Variants in PYGM observed in about 807,000 individuals in gnomAD.
PYGM encodes the protein glycogen phosphorylase, muscle associated.
A neutral mutation model predicts 99.3 loss-of-function variants in PYGM; 81 were observed. The observed-to-expected ratio is 0.82, with a 90% CI of 0.68 to 0.98. The LOEUF (loss-of-function observed/expected upper bound fraction) is 0.98, where lower values mean the gene tolerates loss of function less well. Ranked by LOEUF, PYGM falls within the 50% of genes least tolerant of loss-of-function variation. The pLI, the probability that PYGM is intolerant of heterozygous loss-of-function variation, is 0.00. For synonymous variants in PYGM, 436 were observed against 451.5 expected (o/e 0.97, Z 0.44); for missense variants, 1,030 against 1,158.1 (o/e 0.89, Z 1.61).
upstream of PYGM, chr11:64,760,180 C>T: frequency 2.1e-6 from 1 of 471,184 alleles, no homozygotes. Context: ...CCCACTTCCT[C>T]CAGGCCTTGC....
chr11:64,747,124 C>T (rs2058317418), intron 18 of PYGM, 100 bp downstream of exon 18: 5 of 1,577,098 alleles, frequency 3.2e-6, no homozygotes, highest in Non-Finnish European at 3.5e-6. Flanking sequence ...AGGCGCCTGG[C>T]TCCAACTACC....
At position 64,758,588 on chromosome 11, in the gene PYGM, C is replaced by T. The variant is rs761907585; in HGVS notation, c.345+15G>A. 2 of 1,613,122 alleles carry T rather than the reference C, an allele frequency of 1.2e-6. No individual in the cohort carries two copies. The highest frequency in any genetic ancestry group is 2.7e-5 in the African/African-American group (2 of 74,886). On this transcript the variant is annotated intron_variant, in intron 2 of 19. Coordinates refer to ENST00000164139, the MANE Select transcript of PYGM (RefSeq NM_005609.4). ...AATCCCCCAGTCCCCACGGCTTGCC[C>T]CACCCCACACACACCTGGTAGGTGG...
chr11:64,751,257 C>A (rs559097797), intron 16 of PYGM, 68 bp downstream of exon 16: 12 of 1,591,706 alleles, frequency 7.5e-6, no homozygotes, highest in Admixed American at 5.0e-5. Context: ...CAGGAAGAGA[C>A]GACTGATACC....
At chr11:64,759,456 C>CACCTGCTCTG (rs2058418382) in intron 1 of PYGM, among the ~76,000 whole-genome samples, 200 bp downstream of exon 1, 1 of 152,210 alleles carries the variant, frequency 6.6e-6, no homozygotes. Flanking sequence ...GCAGCCAGCC[C>CACCTGCTCTG]ACCTGCTCTG....
intron 14 of PYGM, 114 bp from the exon 15 acceptor site, chr11:64,751,769 T>C: frequency 6.6e-7 from 1 of 1,513,770 alleles, no homozygotes; most frequent in Non-Finnish European, 9.1e-7. Flanking sequence ...CTTGCTATGC[T>C]CTCTTAGCCT....
Position 64,751,612 on chromosome 11 carries a change from C to T in PYGM, c.1812G>A (p.Val604=). ...EPNKFFVPRT[V]MIGGKAAPGY... ...GGCTTCTCACCTTCCCTCCAATCAT[C>T]ACAGTCCGAGGCACAAAAAACTTAT... The change falls in exon 15 of 20, where the codon GTG becomes GTA. Residue 604 remains valine (V), a synonymous_variant. Coordinates refer to ENST00000164139, the MANE Select transcript of PYGM (RefSeq NM_005609.4). 1 of 1,614,032 alleles carries T rather than the reference C, an allele frequency of 6.2e-7. No homozygotes were observed. The highest frequency in any genetic ancestry group is 1.1e-5 in the South Asian group (1 of 91,084).
chr11:64,754,185 C>T lies in PYGM; in HGVS notation c.1092+68G>A, dbSNP rs1170453667. 11 of 1,581,704 alleles carry T rather than the reference C, an allele frequency of 7.0e-6. No homozygotes were observed. The highest frequency in any genetic ancestry group is 9.6e-6 in the Non-Finnish European group (11 of 1,151,298). On this transcript the variant is annotated intron_variant, in intron 9 of 19. Coordinates refer to ENST00000164139, the MANE Select transcript of PYGM (RefSeq NM_005609.4). This position sits in a 1 kb window ranked among gnomAD's most constrained non-coding sequence, Gnocchi z 5.5. ...TTCACTCCATTCATATCCTCCCACG[C>T]TCCCAAACTGGGAAGGGAACCCCGA...
chr11:64,747,914 G>C, intron 17 of PYGM: 1 of 176,686 alleles, frequency 5.7e-6, no homozygotes, highest in Non-Finnish European at 1.2e-5. Flanking sequence ...GGTGTCGTGT[G>C]CCTGTAATCC....
rs1310768585 is a variant in PYGM, at chr11:64,755,366, A to G, written c.773-11T>C. 1 of 1,613,966 alleles carries G rather than the reference A, an allele frequency of 6.2e-7. No individual in the cohort carries two copies. The highest frequency in any genetic ancestry group is 8.5e-7 in the Non-Finnish European group (1 of 1,179,924). ...AGCCACCGACATTGACTGAGGGACAAAAGTGGGGACAGGGTAAGGCCTGCG... is the reference window on the plus strand; with the variant it reads ...AGCCACCGACATTGACTGAGGGACAGAAGTGGGGACAGGGTAAGGCCTGCG... On this transcript the variant is annotated splice_polypyrimidine_tract_variant and intron_variant, in intron 6 of 19. Coordinates refer to ENST00000164139, the MANE Select transcript of PYGM (RefSeq NM_005609.4). The surrounding 1 kb of genome is among the most constrained non-coding windows in gnomAD (Gnocchi z 4.1).
chr11:64,760,431 C>T (rs1456084083), upstream of PYGM: 1 of 174,566 alleles, frequency 5.7e-6, no homozygotes, highest in East Asian at 1.4e-4. Flanking sequence ...GGCCCACGAC[C>T]CTGCATTGCA....
At position 64,755,241 on chromosome 11, in the gene PYGM, G is replaced by A. The variant is rs2058386155; in HGVS notation, c.855+32C>T. The A allele has an allele frequency of 6.2e-7, 1 of 1,604,348 alleles. No individual in the cohort carries two copies. Among genetic ancestry groups the A allele is most frequent in the South Asian group, 1.1e-5 (1 of 90,852 alleles). ...CTGACCCCTGCTGCCAAGGACTCAG[G>A]CTTCCAGCCCCCAGCCCAGGGGGTG... On this transcript the variant is annotated intron_variant, in intron 7 of 19. Transcript: ENST00000164139. This position sits in a 1 kb window ranked among gnomAD's most constrained non-coding sequence, Gnocchi z 4.1.
At chr11:64,748,128 A>C in intron 17 of PYGM, 1 of 152,330 alleles carries the variant, frequency 6.6e-6, no homozygotes, top group Non-Finnish European at 1.5e-5. Context: ...TCAAAACCTA[A>C]CCGTTCCAAC....
rs547378801 is a variant in PYGM, at chr11:64,755,177, G to C, written c.855+96C>G. On this transcript the variant is annotated intron_variant, in intron 7 of 19. Transcript: ENST00000164139. The surrounding 1 kb of genome is among the most constrained non-coding windows in gnomAD (Gnocchi z 4.1). Reference sequence around the variant, plus strand: ...ACAAGGCCAGCAATATGCCCTGGGTGTGACTAGGGCACCAGCAAGTGTCCT... The same window carrying C: ...ACAAGGCCAGCAATATGCCCTGGGTCTGACTAGGGCACCAGCAAGTGTCCT... 1 of 1,345,628 alleles carries C rather than the reference G, an allele frequency of 7.4e-7. No individual in the cohort carries two copies. Among genetic ancestry groups the C allele is most frequent in the East Asian group, 2.3e-5 (1 of 43,602 alleles). The allele number at this position is 1,345,628 out of a possible 1,614,324, so 83.4% of individuals were successfully genotyped here. A position where few individuals can be genotyped will look rare whatever the true frequency, so the allele number is the denominator to read the frequency against.
In PYGM at chr11:64,747,502, G is replaced by T; in HGVS notation, c.2178-144C>A. Reference sequence around the variant, plus strand: ...AGGGCTGCCACATCGCCCCTGCAGGGCCTCCCTGCAACTCCCCTTCTCTGC... The same window carrying T: ...AGGGCTGCCACATCGCCCCTGCAGGTCCTCCCTGCAACTCCCCTTCTCTGC... On this transcript the variant is annotated intron_variant, in intron 17 of 19. Transcript: ENST00000164139. The T allele has an allele frequency of 2.0e-6, 2 of 1,016,612 alleles. 1 individual carries two copies. The highest frequency in any genetic ancestry group is 3.0e-6 in the Non-Finnish European group (2 of 673,690). The allele number at this position is 1,016,612 out of a possible 1,614,324, so 63.0% of individuals were successfully genotyped here.
chr11:64,759,553 C>T, intron 1 of PYGM, 103 bp downstream of exon 1: 3 of 1,550,634 alleles, frequency 1.9e-6, no homozygotes, highest in Non-Finnish European at 2.6e-6. Context: ...ATTCTCCACC[C>T]CCAAGAACCT....
Position 64,746,595 on chromosome 11 carries a change from TGCTGGG to T in PYGM, c.*58_*63del. 1.9e-6 allele frequency: 3 copies of T among 1,602,670 alleles called. No homozygotes were observed. The highest frequency in any genetic ancestry group is 2.6e-6 in the Non-Finnish European group (3 of 1,172,208). On this transcript the variant is annotated 3_prime_UTR_variant, in exon 20 of 20. Transcript: ENST00000164139. ...CCAGTACCCCACCCTCTGCATGAGG[TGCTGGG>T]GCTGGCCCAAGAGAGTGTGACAGAC...
intron 12 of PYGM, 87 bp from the exon 13 acceptor site, chr11:64,752,591 C>T (rs2058364530): frequency 3.0e-6 from 4 of 1,351,574 alleles, no homozygotes; most frequent in Non-Finnish European, 3.1e-6. Context: ...TCAGCCAAGC[C>T]CCCTTCACCC....
chr11:64,754,754 T>C lies in PYGM; in HGVS notation c.938A>G (p.Lys313Arg). 6.2e-7 allele frequency: 1 copy of C among 1,613,942 alleles called. No individual in the cohort carries two copies. Among genetic ancestry groups the C allele is most frequent in the Non-Finnish European group, 8.5e-7 (1 of 1,180,000 alleles). Residue 313 changes from lysine (K) to arginine (R), a missense_variant, in exon 8 of 20, where the codon AAG (lysine) becomes AGG (arginine). Lys to Arg is a conservative substitution (Grantham distance 26, BLOSUM62 2). Transcript: ENST00000164139. This position sits in a 1 kb window ranked among gnomAD's most constrained non-coding sequence, Gnocchi z 5.5. The part of the protein sequence containing the change: ...ATLQDIIRRF[K>R]SSKFGCRDPV... ...ATCACGGCAGCCGAACTTGGAAGAC[T>C]TGAAGCGACGGATGATGTCCTGGAG...
rs757114579 is a variant in PYGM, at chr11:64,759,827, G to A, written c.72C>T (p.Asn24=). The A allele has an allele frequency of 3.1e-5, 50 of 1,614,032 alleles. No individual in the cohort carries two copies. In the Admixed American group the frequency reaches 6.0e-4, roughly 19 times the overall value. The change falls in exon 1 of 20, where the codon AAC becomes AAT. Residue 24 remains asparagine (N), a synonymous_variant. Coordinates refer to ENST00000164139, the MANE Select transcript of PYGM (RefSeq NM_005609.4). ...ISVRGLAGVE[N]VTELKKNFNR... Reference sequence around the variant, plus strand: ...TGAAGTTCTTTTTCAGCTCAGTCACGTTCTCCACGCCGGCCAGGCCACGCA... The same window carrying A: ...TGAAGTTCTTTTTCAGCTCAGTCACATTCTCCACGCCGGCCAGGCCACGCA...
Sources: gnomAD v4.1 joint callset for allele counts (sites outside exome capture counted in the v4.1 genomes callset) on GRCh38, gnomAD v4.1.1 for gene constraint, Gnocchi (gnomAD v3.1) non-coding constraint, MANE v1.5 for transcripts, NCBI Gene and HGNC (gene_info 2026-07-23, HGNC 2026-07-21) for gene names.